Variants in NOTCH1 observed in about 807,000 individuals in gnomAD.
NOTCH1 encodes the protein neurogenic locus notch homolog protein 1.
In NOTCH1, 37 loss-of-function variants were observed where a neutral mutation model predicts 254.8. The ratio of observed to expected loss-of-function variants is 0.15; its 90% CI spans 0.11 to 0.19. The LOEUF is 0.19. NOTCH1 is among the 10% of genes least tolerant of loss of function. NOTCH1 has a pLI of 1.00. For missense variants in NOTCH1, 2,972 were observed against 3,708.6 expected (o/e 0.80, Z 5.16); for synonymous variants, 1,731 against 1,618.1 (o/e 1.07, Z -1.68).
At position 136,497,177 on chromosome 9, in the gene NOTCH1, C is replaced by T. The variant is rs1346987070; in HGVS notation, c.6562G>A (p.Gly2188Ser). Residue 2188 changes from glycine (G) to serine (S), a missense_variant, in exon 34 of 34, where the codon GGC (glycine) becomes AGC (serine). Around this residue, in one of 8 missense-constraint regions of NOTCH1, gnomAD observed 529 missense variants for 529.2 expected, o/e 1.00. Transcript: ENST00000651671. ...ATGCCGGAGCTGTCCAGCAGGCAGC[C>T]CTTGCCGTCCTGGGACTTCTTCCTC... Reference protein sequence around the residue: ...ARRKKSQDGKGCLLDSSGMLS... With the variant: ...ARRKKSQDGKSCLLDSSGMLS... 1 of 1,612,832 alleles carries T rather than the reference C, an allele frequency of 6.2e-7. No individual in the cohort carries two copies. Among genetic ancestry groups the T allele is most frequent in the South Asian group, 1.1e-5 (1 of 91,086 alleles).
rs750539322 is a variant in NOTCH1 at position 136,523,731 on chromosome 9, G to A, written c.389C>T (p.Pro130Leu). 1.9e-5 allele frequency: 30 copies of A among 1,607,946 alleles called. No homozygotes were observed. Among genetic ancestry groups the A allele is most frequent in the South Asian group, 3.3e-5 (3 of 90,314 alleles). The change falls in exon 3 of 34, where the codon CCG (proline) becomes CTG (leucine). Residue 130 changes from proline to leucine, a missense_variant. Coordinates refer to ENST00000651671, the MANE Select transcript of NOTCH1 (RefSeq NM_017617.5). ...TCCTCCCTCACCTGACCAGCCGGGC[G>A]GGCAGCGGCACTTGTACTCCGTCAG... is the stretch of plus-strand genomic sequence containing the variant. ...LTLTEYKCRC[P>L]PGWSGKSCQQ...
chr9:136,535,648 T>A (rs55871912), intron 2 of NOTCH1, among the ~76,000 whole-genome samples: 15 of 508 alleles, frequency 0.03, 6 homozygotes, highest in Admixed American at 0.11. Flanking sequence ...GGATCCCTCC[T>A]GGGGCAATGG....
At chr9:136,507,828 T>C in intron 21 of NOTCH1, 127 bp downstream of exon 21, 2 of 1,017,458 alleles carry the variant, frequency 2.0e-6, no homozygotes, top group Middle Eastern at 2.7e-4. Context: ...AGCCCTCCCC[T>C]AATGAGACTG....
intron 4 of NOTCH1, among the ~76,000 whole-genome samples, chr9:136,520,307 T>G (rs530547480): frequency 1.2e-3 from 185 of 151,476 alleles, no homozygotes; most frequent in Non-Finnish European, 2.0e-3. Flanking sequence ...TCCCACCTGC[T>G]CGGCCCCTCC....
chr9:136,511,206 T>G lies in NOTCH1; in HGVS notation c.2533A>C (p.Arg845=). Residue 845 remains arginine, a synonymous_variant, in exon 16 of 34, where the codon AGG becomes CGG. Transcript: ENST00000651671. ...PSPCRNGGEC[R]QSEDYESFSC... ...AAGCTCTCATAGTCCTCGGATTGCC[T>G]GCACTCCCCGCCGTTTCTGCAGGGG... 2 of 1,612,584 alleles carry G rather than the reference T, an allele frequency of 1.2e-6. No individual in the cohort carries two copies. Among genetic ancestry groups the G allele is most frequent in the Non-Finnish European group, 1.7e-6 (2 of 1,179,844 alleles).
rs770333134 is a variant in NOTCH1 at position 136,502,400 on chromosome 9, G to A, written c.5256C>T (p.Cys1752=). 1.7e-5 allele frequency: 27 copies of A among 1,611,700 alleles called. No homozygotes were observed. The Middle Eastern group carries it at 6.6e-4, about 39-fold the overall frequency. ...GGCGCTTGCGGGACAGCAGCACCCC[G>A]CAGCCCACGAAGAACAGAAGCACAA... The part of the protein sequence containing the change: ...AAFVLLFFVG[C]GVLLSRKRRR... Residue 1752 remains cysteine (C), a synonymous_variant, in exon 28 of 34, where the codon TGC becomes TGT. Transcript: ENST00000651671.
chr9:136,529,102 G>C (rs1228657634), intron 2 of NOTCH1, among the ~76,000 whole-genome samples: 2 of 152,186 alleles, frequency 1.3e-5, no homozygotes, highest in African/African-American at 4.8e-5. Context: ...CTAAGACCCA[G>C]CAAGGCTGAC....
rs757061203 is a variant in NOTCH1, at chr9:136,510,820, G to A, written c.2588-15C>T. 5 of 1,606,426 alleles carry A rather than the reference G, an allele frequency of 3.1e-6. No homozygotes were observed. The highest frequency in any genetic ancestry group is 1.3e-5 in the African/African-American group (1 of 74,926). On this transcript the variant is annotated splice_polypyrimidine_tract_variant and intron_variant, in intron 16 of 33. Coordinates refer to ENST00000651671, the MANE Select transcript of NOTCH1 (RefSeq NM_017617.5). Reference sequence around the variant, plus strand: ...ACAGGTCTGCCCTGCGGGGCAGGAGGAGGCCGGTTGGTCACCAGCGGCCCC... The same window carrying A: ...ACAGGTCTGCCCTGCGGGGCAGGAGAAGGCCGGTTGGTCACCAGCGGCCCC...
In NOTCH1 at chr9:136,540,379, G is replaced by A. The variant is rs576881971; in HGVS notation, c.140+3645C>T. On this transcript the variant is annotated intron_variant, in intron 2 of 33. Transcript: ENST00000651671. This position sits in a 1 kb window ranked among gnomAD's most constrained non-coding sequence, Gnocchi z 4.4. ...CGGAGCTGGAGCCATCCTGGGAGATGGACTTCCCCAGAGCCGGCAAGTCCC... is the reference window on the plus strand; with the variant it reads ...CGGAGCTGGAGCCATCCTGGGAGATAGACTTCCCCAGAGCCGGCAAGTCCC... Among the ~76,000 whole-genome samples, 1 of 152,180 alleles carries A rather than the reference G, an allele frequency of 6.6e-6. No homozygotes were observed. Among genetic ancestry groups the A allele is most frequent in the East Asian group, 1.9e-4 (1 of 5,162 alleles).
intron 21 of NOTCH1, among the ~76,000 whole-genome samples, chr9:136,507,731 A>G (rs938263261): frequency 5.9e-5 from 9 of 152,148 alleles, no homozygotes; most frequent in Admixed American, 6.5e-5. Flanking sequence ...AGGGGAAGGG[A>G]AAACCCCATC....
intron 2 of NOTCH1, chr9:136,543,652 C>T: frequency 2.4e-6 from 1 of 410,206 alleles, no homozygotes; most frequent in Non-Finnish European, 4.6e-6. Context: ...AGGAGGCGCC[C>T]CAAGTTGGCA....
In NOTCH1 at chr9:136,514,854, T is replaced by C. The variant is rs112333458; in HGVS notation, c.2015-152A>G. The C allele has an allele frequency of 3.3e-5, 30 of 910,496 alleles. No individual in the cohort carries two copies. The African/African-American group carries it at 3.6e-4, about 11-fold the overall frequency. 56.4% of individuals were successfully genotyped at this position (910,496 alleles called of 1,614,324 possible). On this transcript the variant is annotated intron_variant, in intron 12 of 33. Coordinates refer to ENST00000651671, the MANE Select transcript of NOTCH1 (RefSeq NM_017617.5). ...AACCATCTTGGATCACAATGTGCCA[T>C]GTGCCAGCCTCCCCGGGCACCAGTG... is the stretch of plus-strand genomic sequence containing the variant.
In NOTCH1 at chr9:136,505,528, C is replaced by T. The variant is rs1314190594; in HGVS notation, c.4368G>A (p.Glu1456=). 3.7e-6 allele frequency: 6 copies of T among 1,612,394 alleles called. No individual in the cohort carries two copies. In the East Asian group the frequency reaches 1.1e-4, roughly 30 times the overall value. ...EEACELPECQ[E]DAGNKVCSLQ... ...GGCTGCAGACCTTGTTGCCCGCGTC[C>T]TCCTGGCACTCGGGCAGCTCGCACG... is the stretch of plus-strand genomic sequence containing the variant. The change falls in exon 25 of 34, where the codon GAG becomes GAA. Residue 1456 remains glutamate, a synonymous_variant. Coordinates refer to ENST00000651671, the MANE Select transcript of NOTCH1 (RefSeq NM_017617.5).
At chr9:136,498,738 C>T (rs1421671985) in intron 33 of NOTCH1, among the ~76,000 whole-genome samples, 161 bp downstream of exon 33, 3 of 152,204 alleles carry the variant, frequency 2.0e-5, no homozygotes, top group African/African-American at 7.2e-5. Flanking sequence ...GGAGCACTAA[C>T]GAGGTGCCCG....
rs143331592 is a variant in NOTCH1 at position 136,521,412 on chromosome 9, C to T, written c.742+1438G>A. The stretch of plus-strand genomic sequence containing the variant: ...TGCACGGGCAGTGGCTCTGAGCCGG[C>T]CCAGCACCCCTGGCATCTCTGCCGC... On this transcript the variant is annotated intron_variant, in intron 4 of 33. Transcript: ENST00000651671. 8.7e-4 allele frequency among the ~76,000 whole-genome samples: 132 copies of T among 152,202 alleles called. 1 individual carries two copies. Among genetic ancestry groups the T allele is most frequent in the Non-Finnish European group, 1.7e-3 (116 of 67,964 alleles).
At chr9:136,526,391 A>G (rs1843460523) in intron 2 of NOTCH1, among the ~76,000 whole-genome samples, 1 of 152,176 alleles carries the variant, frequency 6.6e-6, no homozygotes, top group Non-Finnish European at 1.5e-5. Context: ...TACAGGACAG[A>G]GGGCGCTCGG....
Position 136,515,843 on chromosome 9 carries a change from A to G in NOTCH1, c.1670-127T>C. On this transcript the variant is annotated intron_variant, in intron 10 of 33. Coordinates refer to ENST00000651671, the MANE Select transcript of NOTCH1 (RefSeq NM_017617.5). Reference sequence around the variant, plus strand: ...CCGAGCGTGGCATTCCCACCTACTCAGGATTGGGGCTGAGCTGTGCTCTCG... The same window carrying G: ...CCGAGCGTGGCATTCCCACCTACTCGGGATTGGGGCTGAGCTGTGCTCTCG... 4.7e-5 allele frequency: 52 copies of G among 1,116,660 alleles called. 1 individual carries two copies. In the South Asian group the frequency reaches 6.8e-4, roughly 15 times the overall value. The allele number at this position is 1,116,660 out of a possible 1,614,324, so 69.2% of individuals were successfully genotyped here.
intron 17 of NOTCH1, among the ~76,000 whole-genome samples, chr9:136,510,216 C>G (rs960436111): frequency 1.3e-5 from 2 of 152,220 alleles, no homozygotes; most frequent in Non-Finnish European, 2.9e-5. Flanking sequence ...GCTTTGCAGG[C>G]TTCACAGACC....
intron 10 of NOTCH1, 88 bp from the exon 11 acceptor site, chr9:136,515,804 A>C (rs1843258556): frequency 7.6e-7 from 1 of 1,315,094 alleles, no homozygotes. Flanking sequence ...ACCTGTGCCA[A>C]CCTGAGGAGG....
Sources: gnomAD v4.1 joint callset for allele counts (sites outside exome capture counted in the v4.1 genomes callset) on GRCh38, gnomAD v4.1.1 for gene constraint, gnomAD v4.1.1 regional missense constraint, Gnocchi (gnomAD v3.1) non-coding constraint, MANE v1.5 for transcripts, NCBI Gene and HGNC (gene_info 2026-07-23, HGNC 2026-07-21) for gene names.